The following TRPM3 variants were observed in gnomAD, a reference collection of about 807,000 sequenced individuals.
The protein encoded by TRPM3 is long transient receptor potential channel 3.
Under a neutral mutation model 181.2 loss-of-function variants are expected in TRPM3, and 77 were observed. The ratio of observed to expected loss-of-function variants is 0.42; its 90% CI spans 0.35 to 0.51. The LOEUF is 0.51. Among genes scored for constraint, TRPM3 ranks in the 20% least tolerant of loss-of-function variants. The probability of loss-of-function intolerance (pLI) is 0.01; values close to 1 mark genes in which losing one functional copy is unlikely to be tolerated. For synonymous variants in TRPM3, 745 were observed against 796.4 expected, an observed-to-expected ratio of 0.94 and a Z score of 1.09; for missense variants, 1,759 against 2,196.7, an observed-to-expected ratio of 0.80 and a Z score of 3.98.
At chr9:70,645,802 G>A (rs1650523322) in intron 9 of TRPM3, among the ~76,000 whole-genome samples, 1 of 151,672 alleles carries the variant, frequency 6.6e-6, no homozygotes, top group Non-Finnish European at 1.5e-5. Flanking sequence ...GCAACCTACA[G>A]AATGGGAGAA....
intron 1 of TRPM3, among the ~76,000 whole-genome samples, chr9:71,088,936 G>C (rs1212715502): frequency 6.6e-6 from 1 of 151,528 alleles, no homozygotes; most frequent in Non-Finnish European, 1.5e-5. Context: ...GGGGTGGTGA[G>C]GAAAGAGGAG....
chr9:71,183,455 C>A (rs1329767), intron 1 of TRPM3, among the ~76,000 whole-genome samples: 53,805 of 151,958 alleles, frequency 0.35, 9,774 homozygotes, highest in East Asian at 0.47. Context: ...TCTGCTTTTT[C>A]ATTTCCTGTG....
intron 1 of TRPM3, among the ~76,000 whole-genome samples, chr9:70,998,502 C>A (rs767949184): frequency 5.9e-5 from 9 of 152,046 alleles, no homozygotes; most frequent in Admixed American, 5.9e-4. Flanking sequence ...TATATTGATA[C>A]ATCATCATAA....
intron 6 of TRPM3, among the ~76,000 whole-genome samples, chr9:70,802,107 C>T (rs2089280123): frequency 6.6e-6 from 1 of 152,168 alleles, no homozygotes; most frequent in Non-Finnish European, 1.5e-5. Context: ...CAGGACCATA[C>T]TTTGAGAACA....
chr9:70,609,717 G>A (rs978982294), intron 19 of TRPM3, among the ~76,000 whole-genome samples: 7 of 152,226 alleles, frequency 4.6e-5, no homozygotes, highest in South Asian at 2.1e-4. Context: ...ACAGGACCAC[G>A]TGAAAAGCAC....
chr9:70,751,561 T>A (rs1352012865), intron 8 of TRPM3, among the ~76,000 whole-genome samples: 1 of 151,968 alleles, frequency 6.6e-6, no homozygotes, highest in Admixed American at 6.6e-5. Context: ...AATGTCCACA[T>A]TATGGATGAA....
At chr9:70,569,696 C>T (rs1430180892) in intron 22 of TRPM3, among the ~76,000 whole-genome samples, 3 of 152,154 alleles carry the variant, frequency 2.0e-5, no homozygotes, top group Non-Finnish European at 4.4e-5. Flanking sequence ...AAGATGTTCA[C>T]AATCACGTTT....
rs1460193289 is a variant in TRPM3 at position 70,535,204 on chromosome 9, G to T, written c.*749C>A. 2 of 570,674 alleles carry T rather than the reference G, an allele frequency of 3.5e-6. No individual in the cohort carries two copies. The highest frequency in any genetic ancestry group is 2.9e-5 in the East Asian group (1 of 34,782). The allele number at this position is 570,674 out of a possible 1,614,324, so 35.4% of individuals were successfully genotyped here. ...GTATATAATAAATCACTTGACTTTTGTTTTTTTAACATCAACTCTTCTTTC... is the reference window on the plus strand; with the variant it reads ...GTATATAATAAATCACTTGACTTTTTTTTTTTTAACATCAACTCTTCTTTC... On this transcript the variant is annotated 3_prime_UTR_variant, in exon 26 of 26. Transcript: ENST00000677713.
chr9:71,367,436 T>C (rs1456700009), intron 1 of TRPM3, among the ~76,000 whole-genome samples: 6 of 152,220 alleles, frequency 3.9e-5, no homozygotes, highest in Non-Finnish European at 5.9e-5. Flanking sequence ...TCACCAAGTC[T>C]AAATTCACCT....
chr9:70,641,419 C>T (rs1331491880), intron 9 of TRPM3, among the ~76,000 whole-genome samples: 2 of 152,148 alleles, frequency 1.3e-5, no homozygotes, highest in Non-Finnish European at 2.9e-5. Context: ...CATCAACTAG[C>T]GTACCAACTT....
intron 1 of TRPM3, among the ~76,000 whole-genome samples, chr9:70,978,667 G>T (rs890489584): frequency 6.6e-6 from 1 of 152,140 alleles, no homozygotes; most frequent in African/African-American, 2.4e-5. Flanking sequence ...AAGACATTTC[G>T]CTTGGTGTTA....
intron 22 of TRPM3, among the ~76,000 whole-genome samples, chr9:70,590,563 C>T (rs2057943349): frequency 6.6e-6 from 1 of 152,068 alleles, no homozygotes; most frequent in Non-Finnish European, 1.5e-5. Flanking sequence ...AGAAAAATAC[C>T]ATGCAGATGT....
chr9:71,437,483 C>T (rs1486083379), intron 1 of TRPM3, among the ~76,000 whole-genome samples: 3 of 152,098 alleles, frequency 2.0e-5, no homozygotes, highest in Non-Finnish European at 4.4e-5. Context: ...GGAACACAGC[C>T]ATGACCATTT....
At chr9:71,279,047 A>AAAAAAC (rs1565414215) in intron 1 of TRPM3, among the ~76,000 whole-genome samples, 8 of 127,024 alleles carry the variant, frequency 6.3e-5, no homozygotes, top group Non-Finnish European at 7.9e-5. Context: ...AAAAAAATAA[A>AAAAAAC]AATAAAAATA....
intron 7 of TRPM3, among the ~76,000 whole-genome samples, chr9:70,782,895 A>G (rs1197308901): frequency 6.6e-6 from 1 of 152,056 alleles, no homozygotes; most frequent in Non-Finnish European, 1.5e-5. Context: ...CTAACTAGGT[A>G]GGCGTACTGT....
In TRPM3 at chr9:70,651,265, T is replaced by C. The variant is rs186399607; in HGVS notation, c.1346-10605A>G. Among the ~76,000 whole-genome samples, 31 of 152,366 alleles carry C rather than the reference T, an allele frequency of 2.0e-4. 1 individual carries two copies. In the East Asian group the frequency reaches 6.0e-3, roughly 29 times the overall value. ...ATTTTTATAAAGAGTATTATTCTTC[T>C]GTTAATAGATTTTGCTCTTTTGTTA... On this transcript the variant is annotated intron_variant, in intron 9 of 25. Coordinates refer to ENST00000677713, the MANE Select transcript of TRPM3 (RefSeq NM_001366145.2).
intron 1 of TRPM3, among the ~76,000 whole-genome samples, chr9:71,004,605 GAAAC>G (rs1170303945): frequency 3.3e-5 from 5 of 152,110 alleles, no homozygotes; most frequent in African/African-American, 4.8e-5. Context: ...ATCACCAAAA[GAAAC>G]AAACAAAGTT....
chr9:71,307,792 C>T (rs1387137552), intron 1 of TRPM3, among the ~76,000 whole-genome samples: 1 of 152,068 alleles, frequency 6.6e-6, no homozygotes, highest in Non-Finnish European at 1.5e-5. Flanking sequence ...TGCTCAATCT[C>T]TTTGCAGATT....
At chr9:71,257,685 T>C (rs1378841555) in intron 1 of TRPM3, among the ~76,000 whole-genome samples, 2 of 152,202 alleles carry the variant, frequency 1.3e-5, no homozygotes, top group African/African-American at 4.8e-5. Flanking sequence ...CTGAGGAAAA[T>C]ACCTTCTTAA....
Sources: allele counts gnomAD v4.1 joint callset (sites outside exome capture counted in the v4.1 genomes callset), GRCh38; gene constraint gnomAD v4.1.1; transcripts MANE v1.5; gene names NCBI Gene and HGNC (gene_info 2026-07-23, HGNC 2026-07-21).